The following PTPRT variants were observed in gnomAD, a reference collection of about 807,000 sequenced individuals.
The protein encoded by PTPRT is protein tyrosine phosphatase receptor type T.
A neutral mutation model predicts 176.8 loss-of-function variants in PTPRT; 56 were observed. The observed-to-expected ratio is 0.32, with a 90% CI of 0.26 to 0.40. The LOEUF (loss-of-function observed/expected upper bound fraction) is 0.40. Ranked by LOEUF, PTPRT falls within the 10% of genes least tolerant of loss-of-function variation. The probability of loss-of-function intolerance (pLI) is 1.00; values close to 1 mark genes in which losing one functional copy is unlikely to be tolerated. For missense variants in PTPRT, 1,540 were observed against 1,908.2 expected (o/e 0.81, Z 3.60); for synonymous variants, 783 against 739.0 (o/e 1.06, Z -0.96).
intron 7 of PTPRT, among the ~76,000 whole-genome samples, chr20:42,676,565 T>G (rs2075507636): frequency 6.6e-6 from 1 of 150,450 alleles, no homozygotes; most frequent in African/African-American, 2.5e-5. Context: ...CTCTCTCTCT[T>G]TTATTCATCA....
At position 42,731,392 on chromosome 20, in the gene PTPRT, C is replaced by T. The variant is rs114830128; in HGVS notation, c.859+25070G>A. On this transcript the variant is annotated intron_variant, in intron 6 of 30. Transcript: ENST00000373187. The stretch of plus-strand genomic sequence containing the variant: ...ATCTTAATTACCGAGCAGGCAAGAT[C>T]AGAAAAGATGGCTCCAGTGGAGATG... Among the ~76,000 whole-genome samples the T allele has an allele frequency of 6.5e-3, 986 of 152,318 alleles. 11 individuals carry two copies. Among genetic ancestry groups the T allele is most frequent in the African/African-American group, 0.022 (935 of 41,558 alleles).
chr20:42,097,819 G>C (rs1985416354), intron 27 of PTPRT, among the ~76,000 whole-genome samples: 1 of 152,216 alleles, frequency 6.6e-6, no homozygotes, highest in Admixed American at 6.5e-5. Flanking sequence ...CATAGAAACT[G>C]TTCCAAGATA....
intron 7 of PTPRT, among the ~76,000 whole-genome samples, chr20:42,648,820 G>GTTTTTTTTTTTGTTTTTTTTTTTTTTTTT (rs746084382): frequency 9.8e-5 from 11 of 111,834 alleles, no homozygotes; most frequent in African/African-American, 4.1e-4. Context: ...TGGTGTCGTT[G>GTTTTTTTTTTTGTTTTTTTTTTTTTTTTT]TTTTTTTTTT....
chr20:42,938,368 T>C (rs1161916982), intron 1 of PTPRT, among the ~76,000 whole-genome samples: 1 of 152,190 alleles, frequency 6.6e-6, no homozygotes, highest in Non-Finnish European at 1.5e-5. Flanking sequence ...CACCATTTTC[T>C]CTCACAGCCT....
intron 1 of PTPRT, among the ~76,000 whole-genome samples, chr20:42,970,161 C>G (rs1010747954): frequency 2.0e-5 from 3 of 152,172 alleles, no homozygotes; most frequent in African/African-American, 7.2e-5. Flanking sequence ...TGTTCTTGAG[C>G]AAGAAGTAAG....
At chr20:42,109,475 C>G (rs1042008739) in intron 23 of PTPRT, among the ~76,000 whole-genome samples, 1 of 152,166 alleles carries the variant, frequency 6.6e-6, no homozygotes, top group Non-Finnish European at 1.5e-5. Context: ...TAGGTCAGAG[C>G]TGAAAATATC....
chr20:42,286,398 T>C, intron 12 of PTPRT, among the ~76,000 whole-genome samples: 1 of 151,382 alleles, frequency 6.6e-6, no homozygotes, highest in East Asian at 1.9e-4. Flanking sequence ...ACCAATGAAA[T>C]AATATTTTTA....
rs955583043 is a variant in PTPRT at position 42,076,426 on chromosome 20, C to T, written c.*4453G>A. 7 of 202,436 alleles carry T rather than the reference C, an allele frequency of 3.5e-5. No individual in the cohort carries two copies. The Admixed American group carries it at 3.6e-4, about 10-fold the overall frequency. 12.5% of individuals were successfully genotyped at this position (202,436 alleles called of 1,614,324 possible). ...TTTTCCCTTTAGGGTTTTGTGGGCT[C>T]ATCCTTCTCCACGCCAGATGAGCAA... On this transcript the variant is annotated 3_prime_UTR_variant, in exon 31 of 31. Transcript: ENST00000373187.
intron 19 of PTPRT, among the ~76,000 whole-genome samples, chr20:42,122,997 T>C (rs1987662393): frequency 6.6e-6 from 1 of 152,224 alleles, no homozygotes; most frequent in Non-Finnish European, 1.5e-5. Context: ...GCTTTGTATA[T>C]GCTCAGTGAA....
At chr20:42,040,077 T>C in the PTPRT span, among the ~76,000 whole-genome samples, 1 of 152,162 alleles carries the variant, frequency 6.6e-6, no homozygotes, top group Non-Finnish European at 1.5e-5. Flanking sequence ...GTTCCCTTTT[T>C]TTTCCCCACA....
chr20:42,791,088 C>T (rs544764533), intron 3 of PTPRT, 107 bp downstream of exon 3: 37 of 1,373,560 alleles, frequency 2.7e-5, no homozygotes, highest in Middle Eastern at 2.3e-4. Flanking sequence ...ACAGTAAACA[C>T]GAGTGAATAA....
intron 6 of PTPRT, among the ~76,000 whole-genome samples, chr20:42,736,718 C>A (rs982026766): frequency 1.3e-5 from 2 of 152,114 alleles, no homozygotes; most frequent in African/African-American, 4.8e-5. Context: ...ACACGGGGTA[C>A]AATTTATGCC....
chr20:42,780,418 C>G lies in PTPRT; in HGVS notation c.487-119G>C, dbSNP rs113752924. 279 of 731,808 alleles carry G rather than the reference C, an allele frequency of 3.8e-4. 2 individuals are homozygous for G. The African/African-American group carries it at 4.5e-3, about 12-fold the overall frequency. The allele number at this position is 731,808 out of a possible 1,614,324, so 45.3% of individuals were successfully genotyped here. A position where few individuals can be genotyped will look rare whatever the true frequency, so the allele number is the denominator to read the frequency against. On this transcript the variant is annotated intron_variant, in intron 3 of 30. Coordinates refer to ENST00000373187, the MANE Select transcript of PTPRT (RefSeq NM_007050.6). ...TTCCCATCAGAAGCAACCCAAGAAACCTTCTGTTAAGACAGCACGCTACCC... is the reference window on the plus strand; with the variant it reads ...TTCCCATCAGAAGCAACCCAAGAAAGCTTCTGTTAAGACAGCACGCTACCC...
chr20:42,575,479 C>A (rs140829109), intron 7 of PTPRT, among the ~76,000 whole-genome samples: 8 of 152,184 alleles, frequency 5.3e-5, no homozygotes, highest in African/African-American at 1.7e-4. Context: ...CTCAGCAACA[C>A]GCACCAACCT....
intron 2 of PTPRT, among the ~76,000 whole-genome samples, chr20:42,868,664 A>G (rs2145816520): frequency 6.6e-6 from 1 of 152,334 alleles, no homozygotes; most frequent in Admixed American, 6.5e-5. Context: ...TGATAAAAAT[A>G]TTAAGATGCC....
Position 42,520,921 on chromosome 20 carries a change from T to TTATC in PTPRT, c.1154-48363_1154-48360dup, listed in dbSNP as rs374465261. ...TGCCTAAACACAAACCCATATCTAT[T>TTATC]TATCTATCTACCTATCATCTATCTA... On this transcript the variant is annotated intron_variant, in intron 7 of 30. Transcript: ENST00000373187. Among the ~76,000 whole-genome samples the TTATC allele has an allele frequency of 6.1e-3, 924 of 151,506 alleles. 17 individuals carry two copies. Among genetic ancestry groups the TTATC allele is most frequent in the African/African-American group, 0.022 (887 of 41,254 alleles).
At chr20:42,044,780 G>A in the PTPRT span, among the ~76,000 whole-genome samples, 1 of 152,162 alleles carries the variant, frequency 6.6e-6, no homozygotes, top group Non-Finnish European at 1.5e-5. Flanking sequence ...GTGACTTAAA[G>A]CAACACAGAC....
downstream of PTPRT, among the ~76,000 whole-genome samples, chr20:42,070,493 T>A (rs540268962): frequency 5.9e-5 from 9 of 152,044 alleles, no homozygotes; most frequent in African/African-American, 2.2e-4. Flanking sequence ...CGTTGATCCT[T>A]AGCATCACTG....
At chr20:42,341,892 A>G (rs1323890708) in intron 11 of PTPRT, among the ~76,000 whole-genome samples, 1 of 152,116 alleles carries the variant, frequency 6.6e-6, no homozygotes, top group African/African-American at 2.4e-5. Context: ...TTCTTCCCCA[A>G]ACACCTGTTT....
Sources: allele counts gnomAD v4.1 joint callset (sites outside exome capture counted in the v4.1 genomes callset), GRCh38; gene constraint gnomAD v4.1.1; transcripts MANE v1.5; gene names NCBI Gene and HGNC (gene_info 2026-07-23, HGNC 2026-07-21).